The following NWD2 variants were observed in gnomAD, a reference collection of about 807,000 sequenced individuals.
NWD2 encodes the protein NACHT and WD repeat domain containing 2.
In NWD2, 37 loss-of-function variants were observed where a neutral mutation model predicts 132.7. That is an observed-to-expected ratio of 0.28 (90% CI 0.21 to 0.37). The LOEUF (loss-of-function observed/expected upper bound fraction) is 0.37, where lower values mean the gene tolerates loss of function less well. Ranked by LOEUF, NWD2 falls within the 10% of genes least tolerant of loss-of-function variation. The probability of loss-of-function intolerance (pLI) is 1.00; values close to 1 mark genes in which losing one functional copy is unlikely to be tolerated. For missense variants in NWD2, 1,592 were observed against 2,122.4 expected, an observed-to-expected ratio of 0.75 and a Z score of 4.91; for synonymous variants, 705 against 803.0, an observed-to-expected ratio of 0.88 and a Z score of 2.06.
chr4:37,388,155 A>C (rs1720603186), intron 3 of NWD2, among the ~76,000 whole-genome samples: 1 of 152,040 alleles, frequency 6.6e-6, no homozygotes, highest in African/African-American at 2.4e-5. Flanking sequence ...ATAGATGTAA[A>C]GTGCTTGCTA....
intron 1 of NWD2, among the ~76,000 whole-genome samples, chr4:37,277,425 G>A (rs942903170): frequency 1.3e-5 from 2 of 151,732 alleles, no homozygotes; most frequent in Admixed American, 1.3e-4. Context: ...ATGTCCCACA[G>A]GTCCCTGATG....
chr4:37,319,986 G>A (rs1369757094), intron 1 of NWD2, among the ~76,000 whole-genome samples: 1 of 152,098 alleles, frequency 6.6e-6, no homozygotes, highest in Non-Finnish European at 1.5e-5. Context: ...ATGAATTTTA[G>A]AATAGTTTTT....
At chr4:37,367,679 A>G in intron 3 of NWD2, among the ~76,000 whole-genome samples, 1 of 152,292 alleles carries the variant, frequency 6.6e-6, no homozygotes, top group East Asian at 1.9e-4. Context: ...TTGAAACCCA[A>G]AGAAGTGAAG....
Position 37,328,672 on chromosome 4 carries a change from C to G in NWD2, c.240+2648C>G, listed in dbSNP as rs142596123. ...ATGGGCATTTGGGTTGGTTCCAAGT[C>G]TTTGCTATTGTGAATAGTGCTGCAA... On this transcript the variant is annotated intron_variant, in intron 2 of 6. Coordinates refer to ENST00000309447, the MANE Select transcript of NWD2 (RefSeq NM_001144990.2). Among the ~76,000 whole-genome samples, 581 of 152,188 alleles carry G rather than the reference C, an allele frequency of 3.8e-3. 5 individuals carry two copies. The highest frequency in any genetic ancestry group is 0.013 in the African/African-American group (551 of 41,506).
intron 1 of NWD2, among the ~76,000 whole-genome samples, chr4:37,325,262 TA>T (rs1435364304): frequency 1.3e-5 from 2 of 152,176 alleles, no homozygotes; most frequent in Admixed American, 6.6e-5. Flanking sequence ...GATAATAAAA[TA>T]TTTTTTTATT....
At chr4:37,273,117 T>C (rs1167442077) in intron 1 of NWD2, among the ~76,000 whole-genome samples, 1 of 151,878 alleles carries the variant, frequency 6.6e-6, no homozygotes, top group Middle Eastern at 3.2e-3. Context: ...AGTATTTATC[T>C]GTAGAATTTT....
chr4:37,271,712 C>T (rs1312916884), intron 1 of NWD2, among the ~76,000 whole-genome samples: 1 of 151,692 alleles, frequency 6.6e-6, no homozygotes, highest in Non-Finnish European at 1.5e-5. Flanking sequence ...TTATTTTACT[C>T]CAAAATAAGT....
intron 3 of NWD2, among the ~76,000 whole-genome samples, chr4:37,384,641 G>A (rs1313075537): frequency 6.6e-6 from 1 of 152,170 alleles, no homozygotes; most frequent in African/African-American, 2.4e-5. Context: ...ATGGAGCTCA[G>A]CTATGTCTTC....
At chr4:37,379,333 A>G (rs548026854) in intron 3 of NWD2, among the ~76,000 whole-genome samples, 1 of 151,958 alleles carries the variant, frequency 6.6e-6, no homozygotes, top group Non-Finnish European at 1.5e-5. Flanking sequence ...TCCGTCCAAC[A>G]GAATGATGAG....
chr4:37,347,764 T>A (rs2109297310), intron 2 of NWD2, among the ~76,000 whole-genome samples: 1 of 152,328 alleles, frequency 6.6e-6, no homozygotes, highest in Non-Finnish European at 1.5e-5. Flanking sequence ...AAGTATATAT[T>A]TATAGCTTTT....
At position 37,392,073 on chromosome 4, in the gene NWD2, C is replaced by T. The variant is rs1720689132; in HGVS notation, c.357+35591C>T. On this transcript the variant is annotated intron_variant, in intron 3 of 6. Coordinates refer to ENST00000309447, the MANE Select transcript of NWD2 (RefSeq NM_001144990.2). Reference sequence around the variant, plus strand: ...AAAAAATTAGCTGGGCGTGGTGGAGCACCTGTAATCCCAGCTACTTGGGAG... The same window carrying T: ...AAAAAATTAGCTGGGCGTGGTGGAGTACCTGTAATCCCAGCTACTTGGGAG... 2.6e-5 allele frequency among the ~76,000 whole-genome samples: 4 copies of T among 152,160 alleles called. No individual in the cohort carries two copies. In the South Asian group the frequency reaches 8.3e-4, roughly 32 times the overall value.
chr4:37,274,257 C>T (rs1200128953), intron 1 of NWD2, among the ~76,000 whole-genome samples: 7 of 151,912 alleles, frequency 4.6e-5, no homozygotes, highest in South Asian at 2.1e-4. Flanking sequence ...ATATCACCAC[C>T]GATCCCACAG....
intron 3 of NWD2, among the ~76,000 whole-genome samples, chr4:37,401,826 G>C (rs1167998874): frequency 2.6e-5 from 4 of 152,118 alleles, no homozygotes; most frequent in Non-Finnish European, 2.9e-5. Flanking sequence ...CCCATCTGCA[G>C]TGTCTTTTCT....
At position 37,379,564 on chromosome 4, in the gene NWD2, A is replaced by G. The variant is rs1394811008; in HGVS notation, c.357+23082A>G. 3.3e-5 allele frequency among the ~76,000 whole-genome samples: 5 copies of G among 152,244 alleles called. No individual in the cohort carries two copies. In the South Asian group the frequency reaches 6.2e-4, roughly 19 times the overall value. On this transcript the variant is annotated intron_variant, in intron 3 of 6. Coordinates refer to ENST00000309447, the MANE Select transcript of NWD2 (RefSeq NM_001144990.2). Reference sequence around the variant, plus strand: ...TACCTCCAGGAGGTATTCAGATTTTATAATGCTTTTTGTTGGTGTGGGTTC... The same window carrying G: ...TACCTCCAGGAGGTATTCAGATTTTGTAATGCTTTTTGTTGGTGTGGGTTC...
rs573240622 is a variant in NWD2, at chr4:37,352,988, G to C, written c.241-3378G>C. On this transcript the variant is annotated intron_variant, in intron 2 of 6. Coordinates refer to ENST00000309447, the MANE Select transcript of NWD2 (RefSeq NM_001144990.2). Reference sequence around the variant, plus strand: ...ATTTGGTATGTTTTTACAGTGGCTTGTACTGGTTTTTCCTTTCCATATTTA... The same window carrying C: ...ATTTGGTATGTTTTTACAGTGGCTTCTACTGGTTTTTCCTTTCCATATTTA... 3.7e-3 allele frequency among the ~76,000 whole-genome samples: 564 copies of C among 152,218 alleles called. 4 individuals are homozygous for C. Among genetic ancestry groups the C allele is most frequent in the Middle Eastern group, 0.01 (3 of 294 alleles).
At chr4:37,256,866 A>G (rs892099261) in intron 1 of NWD2, among the ~76,000 whole-genome samples, 2 of 152,192 alleles carry the variant, frequency 1.3e-5, no homozygotes, top group Non-Finnish European at 2.9e-5. Context: ...AATCACTGAC[A>G]TGCTGGAAAT....
chr4:37,399,683 CCT>C (rs2109314928), intron 3 of NWD2, among the ~76,000 whole-genome samples: 1 of 152,184 alleles, frequency 6.6e-6, no homozygotes, highest in East Asian at 1.9e-4. Context: ...TCTTTTTTAT[CCT>C]CTTTCTCCAG....
chr4:37,392,299 C>G (rs947463142), intron 3 of NWD2, among the ~76,000 whole-genome samples: 2 of 152,134 alleles, frequency 1.3e-5, no homozygotes, highest in African/African-American at 2.4e-5. Context: ...CTGATACGCT[C>G]CCATCAAAAC....
chr4:37,387,594 A>G (rs1279829822), intron 3 of NWD2, among the ~76,000 whole-genome samples: 1 of 151,130 alleles, frequency 6.6e-6, no homozygotes, highest in Non-Finnish European at 1.5e-5. Context: ...AGCCTCCCCT[A>G]GAGATTCCTC....
Sources: gnomAD v4.1 joint callset for allele counts (sites outside exome capture counted in the v4.1 genomes callset) on GRCh38, gnomAD v4.1.1 for gene constraint, MANE v1.5 for transcripts, NCBI Gene and HGNC (gene_info 2026-07-23, HGNC 2026-07-21) for gene names.